Variants in USP28 observed in about 807,000 individuals in gnomAD.
USP28 encodes the protein ubiquitin specific peptidase 28.
In USP28, 113 loss-of-function variants were observed where a neutral mutation model predicts 145.0. The observed-to-expected ratio is 0.78, with a 90% CI of 0.67 to 0.91. The LOEUF (loss-of-function observed/expected upper bound fraction) is 0.91. Among genes scored for constraint, USP28 ranks in the 40% least tolerant of loss-of-function variants. The pLI is 0.00. For synonymous variants in USP28, 447 were observed against 450.9 expected (o/e 0.99, Z 0.11); for missense variants, 1,201 against 1,289.6 (o/e 0.93, Z 1.05).
intron 1 of USP28, among the ~76,000 whole-genome samples, chr11:113,860,924 C>G (rs1051599794): frequency 3.3e-5 from 5 of 151,798 alleles, no homozygotes; most frequent in Admixed American, 2.6e-4. Flanking sequence ...CGAGGCCATC[C>G]TGGCTAACAC....
At chr11:113,815,074 A>G (rs1173867639) in intron 14 of USP28, 100 bp downstream of exon 14, 4 of 1,026,376 alleles carry the variant, frequency 3.9e-6, no homozygotes, top group Non-Finnish European at 5.7e-6. Flanking sequence ...ATTCTGTAGC[A>G]TGTACAGTAA....
At chr11:113,820,308 GGCAGTCAAGTAGGAAGAATGA>G (rs1297225523) in intron 12 of USP28, 1 of 152,146 alleles carries the variant, frequency 6.6e-6, no homozygotes, top group Non-Finnish European at 1.5e-5. Flanking sequence ...TGGCACCTCT[GGCAGTCAAGTAGGAAGAATGA>G]GCAATGTCCT....
At chr11:113,818,587 G>C (rs1942116372) in intron 12 of USP28, among the ~76,000 whole-genome samples, 1 of 152,126 alleles carries the variant, frequency 6.6e-6, no homozygotes, top group African/African-American at 2.4e-5. Context: ...AGCTGGGCAT[G>C]GTGACTCATG....
At chr11:113,816,709 A>G (rs1394486097) in intron 13 of USP28, among the ~76,000 whole-genome samples, 1 of 152,332 alleles carries the variant, frequency 6.6e-6, no homozygotes. Context: ...ATCTAATACC[A>G]AGCACTATTA....
chr11:113,821,242 C>A, intron 12 of USP28: 2 of 224,128 alleles, frequency 8.9e-6, no homozygotes, highest in South Asian at 8.2e-5. Flanking sequence ...GTCTGGCAGT[C>A]CACAGTGTGG....
chr11:113,860,452 A>T (rs1428889761), intron 1 of USP28, among the ~76,000 whole-genome samples: 1 of 151,766 alleles, frequency 6.6e-6, no homozygotes, highest in Non-Finnish European at 1.5e-5. Context: ...CAAAAAAAAA[A>T]AAAAGAAAAA....
chr11:113,858,207 T>G (rs1382133363), intron 1 of USP28, among the ~76,000 whole-genome samples: 1 of 152,160 alleles, frequency 6.6e-6, no homozygotes, highest in Non-Finnish European at 1.5e-5. Context: ...AGATGACAAC[T>G]ATGTAAAATA....
At chr11:113,835,819 G>A (rs539686018) in intron 5 of USP28, among the ~76,000 whole-genome samples, 12 of 152,310 alleles carry the variant, frequency 7.9e-5, no homozygotes, top group African/African-American at 2.6e-4. Flanking sequence ...GGTGGCTTAC[G>A]CCTGTAATCC....
chr11:113,815,970 C>G (rs1414062498), intron 13 of USP28, among the ~76,000 whole-genome samples: 1 of 152,210 alleles, frequency 6.6e-6, no homozygotes, highest in Non-Finnish European at 1.5e-5. Context: ...AGCTCTACTA[C>G]TTTAGCTAAA....
At chr11:113,802,883 T>C (rs1165723290) in intron 23 of USP28, among the ~76,000 whole-genome samples, 1 of 152,068 alleles carries the variant, frequency 6.6e-6, no homozygotes, top group Non-Finnish European at 1.5e-5. Flanking sequence ...AGGAAAGCAA[T>C]GTGATAAAAT....
At chr11:113,845,116 CA>C (rs554416453) in intron 3 of USP28, among the ~76,000 whole-genome samples, 88 of 70,964 alleles carry the variant, frequency 1.2e-3, no homozygotes, top group Middle Eastern at 0.011. Context: ...AGACCCTTCT[CA>C]AAAAAAAAAA....
At chr11:113,831,811 A>G (rs1944013437) in intron 8 of USP28, 109 bp downstream of exon 8, 1 of 1,002,424 alleles carries the variant, frequency 1.0e-6, no homozygotes, top group Non-Finnish European at 1.5e-6. Context: ...CCCAGGAGGT[A>G]TGGTTAAAAA....
intron 1 of USP28, among the ~76,000 whole-genome samples, chr11:113,874,226 C>A (rs1025749096): frequency 2.7e-5 from 4 of 150,410 alleles, no homozygotes; most frequent in Admixed American, 6.6e-5. Flanking sequence ...CCGAGGCGGG[C>A]GAATCACCTT....
chr11:113,808,817 T>TA (rs1446702703), intron 17 of USP28, among the ~76,000 whole-genome samples: 1 of 152,230 alleles, frequency 6.6e-6, no homozygotes, highest in Admixed American at 6.5e-5. Flanking sequence ...ACCTGGGAAA[T>TA]AAGCAAAACT....
chr11:113,857,644 A>G (rs765812173), intron 1 of USP28, among the ~76,000 whole-genome samples: 4 of 152,248 alleles, frequency 2.6e-5, no homozygotes, highest in Non-Finnish European at 4.4e-5. Flanking sequence ...TAAAAATGTT[A>G]AGAACATCTT....
At position 113,801,422 on chromosome 11, in the gene USP28, G is replaced by C. The variant is rs1016938173; in HGVS notation, c.3058+61C>G. On this transcript the variant is annotated intron_variant, in intron 24 of 24. Coordinates refer to ENST00000003302, the Ensembl canonical transcript of USP28. The stretch of plus-strand genomic sequence containing the variant: ...GGTTTGGCAACCAGTGCTATCAAGT[G>C]AGAACACTGAAATTTCTACAATTCT... 22 of 1,382,530 alleles carry C rather than the reference G, an allele frequency of 1.6e-5. No individual in the cohort carries two copies. The African/African-American group carries it at 3.0e-4, about 19-fold the overall frequency. 85.6% of individuals were successfully genotyped at this position (1,382,530 alleles called of 1,614,324 possible).
At chr11:113,869,319 C>T (rs1055383666) in intron 1 of USP28, among the ~76,000 whole-genome samples, 5 of 152,132 alleles carry the variant, frequency 3.3e-5, no homozygotes, top group African/African-American at 1.2e-4. Flanking sequence ...ATCCCAGCTA[C>T]TTGGGAGGCA....
intron 1 of USP28, among the ~76,000 whole-genome samples, chr11:113,873,821 G>T (rs1370503184): frequency 2.6e-5 from 4 of 152,172 alleles, no homozygotes; most frequent in African/African-American, 9.7e-5. Context: ...CCAGGACCTG[G>T]AAGTATCTTT....
rs532284274 is a variant in USP28 at position 113,820,003 on chromosome 11, G to A, written c.1284-2166C>T. ...CTAAAAACCATTAACCCATTTATGC[G>A]TAGTGTTCCATTATTGGAATGCTAA... On this transcript the variant is annotated intron_variant, in intron 12 of 24. Coordinates refer to ENST00000003302, the Ensembl canonical transcript of USP28. Among the ~76,000 whole-genome samples, 8 of 152,322 alleles carry A rather than the reference G, an allele frequency of 5.3e-5. No individual in the cohort carries two copies. In the South Asian group the frequency reaches 1.0e-3, roughly 20 times the overall value.
Sources: gnomAD v4.1 joint callset for allele counts (sites outside exome capture counted in the v4.1 genomes callset) on GRCh38, gnomAD v4.1.1 for gene constraint, MANE v1.5 for transcripts, NCBI Gene and HGNC (gene_info 2026-07-23, HGNC 2026-07-21) for gene names.